PCNX2: variants seen among roughly 807,000 people sequenced by gnomAD.
PCNX2 encodes pecanex-like protein 2.
In PCNX2, 168 loss-of-function variants were observed where a neutral mutation model predicts 223.8. That is an observed-to-expected ratio of 0.75 (90% CI 0.66 to 0.85). PCNX2 has a LOEUF of 0.85. Among genes scored for constraint, PCNX2 ranks in the 40% least tolerant of loss-of-function variants. The pLI is 0.00. For synonymous variants in PCNX2, 1,006 were observed against 1,052.6 expected (o/e 0.96, Z 0.86); for missense variants, 2,507 against 2,675.5 (o/e 0.94, Z 1.39).
chr1:233,083,507 T>A (rs770237576), intron 23 of PCNX2, among the ~76,000 whole-genome samples: 1 of 152,144 alleles, frequency 6.6e-6, no homozygotes, highest in Non-Finnish European at 1.5e-5. Flanking sequence ...GGCTGGATGG[T>A]CCAGAGCACA....
chr1:233,181,806 T>C (rs1439311010), intron 15 of PCNX2, among the ~76,000 whole-genome samples: 1 of 152,202 alleles, frequency 6.6e-6, no homozygotes, highest in African/African-American at 2.4e-5. Context: ...ACAAGGACAC[T>C]GATCTGATTC....
At chr1:233,045,153 T>C (rs1043636196) in intron 25 of PCNX2, among the ~76,000 whole-genome samples, 1 of 152,190 alleles carries the variant, frequency 6.6e-6, no homozygotes, top group Non-Finnish European at 1.5e-5. Flanking sequence ...ACCAAAGCCT[T>C]TTACTTTTTC....
chr1:233,139,885 A>G lies in PCNX2; in HGVS notation c.3518-30T>C, dbSNP rs1292938763. The G allele has an allele frequency of 2.5e-6, 4 of 1,599,752 alleles. No individual in the cohort carries two copies. Among genetic ancestry groups the G allele is most frequent in the Non-Finnish European group, 3.4e-6 (4 of 1,174,578 alleles). ...AAGAAATATAAAAACCACTTAGAAC[A>G]ACCACCGATCAAAGTATTTTTCTTT... On this transcript the variant is annotated intron_variant, in intron 19 of 33. Coordinates refer to ENST00000258229, the MANE Select transcript of PCNX2 (RefSeq NM_014801.4). This position sits in a 1 kb window ranked among gnomAD's most constrained non-coding sequence, Gnocchi z 4.4.
intron 9 of PCNX2, among the ~76,000 whole-genome samples, chr1:233,233,325 T>G (rs1658180904): frequency 6.6e-6 from 1 of 151,968 alleles, no homozygotes. Context: ...AAACAACAGG[T>G]TTTCACCAAT....
intron 13 of PCNX2, among the ~76,000 whole-genome samples, chr1:233,206,078 G>A (rs1681435585): frequency 6.6e-6 from 1 of 152,016 alleles, no homozygotes; most frequent in Non-Finnish European, 1.5e-5. Context: ...ATGAGAAAGG[G>A]ATGAGAAGGG....
chr1:233,155,642 A>G (rs1678073921), intron 19 of PCNX2, among the ~76,000 whole-genome samples: 1 of 152,200 alleles, frequency 6.6e-6, no homozygotes, highest in Admixed American at 6.5e-5. Context: ...AAAAGCCAAG[A>G]ATCATAATAT....
At chr1:233,103,385 A>AT (rs1013795583) in intron 21 of PCNX2, among the ~76,000 whole-genome samples, 4 of 151,418 alleles carry the variant, frequency 2.6e-5, no homozygotes, top group East Asian at 1.9e-4. Flanking sequence ...CACTTTTTCT[A>AT]TTTTTTTTAT....
chr1:233,005,227 A>G (rs954571659), intron 28 of PCNX2, among the ~76,000 whole-genome samples: 7 of 152,238 alleles, frequency 4.6e-5, no homozygotes, highest in Admixed American at 3.3e-4. Context: ...TGGCATATGC[A>G]TAAGAGAAAA....
At chr1:233,129,300 G>A (rs1450474950) in intron 21 of PCNX2, among the ~76,000 whole-genome samples, 9 of 152,332 alleles carry the variant, frequency 5.9e-5, no homozygotes, top group South Asian at 2.1e-4. Context: ...CCAGCCCACC[G>A]GTGCTGCCCT....
In PCNX2 at chr1:233,179,177, T is replaced by C. The variant is rs749562523; in HGVS notation, c.3067-2A>G. ...GATGTGTTGCATGCTCCACGGTTCC[T>C]AAAGAAAAGACATCAGTTAGCCAAG... On this transcript the variant is annotated splice_acceptor_variant, in intron 15 of 33. Coordinates refer to ENST00000258229, the MANE Select transcript of PCNX2 (RefSeq NM_014801.4). LOFTEE classifies it high-confidence loss of function. The C allele has an allele frequency of 3.1e-6, 5 of 1,613,612 alleles. No homozygotes were observed. Among genetic ancestry groups the C allele is most frequent in the Non-Finnish European group, 4.2e-6 (5 of 1,179,682 alleles).
chr1:233,196,112 G>A (rs571977221), intron 15 of PCNX2, among the ~76,000 whole-genome samples: 97 of 152,168 alleles, frequency 6.4e-4, no homozygotes, highest in Admixed American at 1.9e-3. Context: ...GGTTCTAAAC[G>A]TTCCATGATA....
Position 233,295,342 on chromosome 1 carries a change from G to A in PCNX2, c.137C>T (p.Pro46Leu), listed in dbSNP as rs1006229297. 2 of 1,574,172 alleles carry A rather than the reference G, an allele frequency of 1.3e-6. No individual in the cohort carries two copies. The highest frequency in any genetic ancestry group is 1.4e-5 in the African/African-American group (1 of 73,960). The change falls in exon 1 of 34, where the codon CCC becomes CTC. Residue 46 changes from proline to leucine, a missense_variant. Transcript: ENST00000258229. The surrounding 1 kb of genome is among the most constrained non-coding windows in gnomAD (Gnocchi z 4.1). ...CCCACTCACCAGGTGCAGGGCCAGGGGCAGCAGCAGGAGGAACAGCCACAG... is the reference window on the plus strand; with the variant it reads ...CCCACTCACCAGGTGCAGGGCCAGGAGCAGCAGCAGGAGGAACAGCCACAG... ...LYLWLFLLLL[P>L]LALHLAFPPN...
chr1:233,225,334 T>C (rs1466950587), intron 10 of PCNX2, among the ~76,000 whole-genome samples: 1 of 152,136 alleles, frequency 6.6e-6, no homozygotes, highest in Non-Finnish European at 1.5e-5. Flanking sequence ...ATTTAATCTT[T>C]ACAACCTCCC....
At chr1:233,207,183 C>T (rs1681526011) in intron 13 of PCNX2, among the ~76,000 whole-genome samples, 1 of 151,866 alleles carries the variant, frequency 6.6e-6, no homozygotes, top group South Asian at 2.1e-4. Context: ...GAACGGGAAG[C>T]CAGAGGGTAG....
chr1:233,180,303 C>T (rs926940001), intron 15 of PCNX2, among the ~76,000 whole-genome samples: 7 of 152,132 alleles, frequency 4.6e-5, no homozygotes, highest in Non-Finnish European at 1.0e-4. Flanking sequence ...CAGAGCAGAA[C>T]ATGGGAAATA....
At chr1:233,269,942 G>C (rs1340842285) in intron 1 of PCNX2, among the ~76,000 whole-genome samples, 2 of 152,208 alleles carry the variant, frequency 1.3e-5, no homozygotes, top group Non-Finnish European at 2.9e-5. Flanking sequence ...CAAAAAGATA[G>C]AATTCAGACT....
At chr1:233,222,497 GC>G (rs1657443153) in intron 10 of PCNX2, among the ~76,000 whole-genome samples, 1 of 152,074 alleles carries the variant, frequency 6.6e-6, no homozygotes, top group African/African-American at 2.4e-5. Context: ...TTTGTGACCA[GC>G]CTAGGCAACA....
chr1:232,993,407 T>C (rs1162382910), intron 32 of PCNX2, among the ~76,000 whole-genome samples: 1 of 152,192 alleles, frequency 6.6e-6, no homozygotes, highest in Non-Finnish European at 1.5e-5. Context: ...GGAAGAAATG[T>C]CTAAGCAGCA....
chr1:233,217,768 T>TA, intron 12 of PCNX2, 131 bp downstream of exon 12: 1 of 862,948 alleles, frequency 1.2e-6, no homozygotes, highest in Non-Finnish European at 1.7e-6. Flanking sequence ...ATATATATAT[T>TA]TGATATTTCT....
Sources: allele counts gnomAD v4.1 joint callset (sites outside exome capture counted in the v4.1 genomes callset), GRCh38; gene constraint gnomAD v4.1.1; non-coding constraint Gnocchi (gnomAD v3.1); transcripts MANE v1.5; gene names NCBI Gene and HGNC (gene_info 2026-07-23, HGNC 2026-07-21).